The following MAML2 variants were observed in gnomAD, a reference collection of about 807,000 sequenced individuals.
The protein encoded by MAML2 is mastermind-like protein 2.
In MAML2, 22 loss-of-function variants were observed where a neutral mutation model predicts 96.1. That is an observed-to-expected ratio of 0.23 (90% CI 0.16 to 0.33). MAML2 has a LOEUF of 0.33. Among genes scored for constraint, MAML2 ranks in the 10% least tolerant of loss-of-function variants. MAML2 has a pLI of 1.00. For synonymous variants in MAML2, 561 were observed against 521.3 expected (o/e 1.08, Z -1.04); for missense variants, 1,367 against 1,392.4 (o/e 0.98, Z 0.29).
chr11:96,292,758 A>G (rs1386614193), intron 1 of MAML2, among the ~76,000 whole-genome samples: 2 of 152,200 alleles, frequency 1.3e-5, no homozygotes, highest in Admixed American at 1.3e-4. Context: ...GCATTGCTAT[A>G]TGGCTATCAT....
At chr11:96,048,411 G>C (rs1434978867) in intron 2 of MAML2, among the ~76,000 whole-genome samples, 1 of 152,038 alleles carries the variant, frequency 6.6e-6, no homozygotes, top group East Asian at 1.9e-4. Context: ...AAGTTTAGGA[G>C]GATGAAATCA....
At chr11:96,314,946 T>C (rs1319042211) in intron 1 of MAML2, among the ~76,000 whole-genome samples, 1 of 152,180 alleles carries the variant, frequency 6.6e-6, no homozygotes, top group East Asian at 1.9e-4. Flanking sequence ...ATTGTATTCT[T>C]ACTCCACAAT....
Position 96,341,643 on chromosome 11 carries a change from C to T in MAML2, c.253G>A (p.Gly85Arg). ...GTGTGTTTGCCAGCTTTCCTTGCCC[C>T]CTGGCCATGCTGTACAAGGCTCAGG... is the stretch of plus-strand genomic sequence containing the variant. ...QLLSLVQHGQ[G>R]ARKAGKHTKA... The change falls in exon 1 of 5, where the codon GGG becomes AGG. Residue 85 changes from glycine to arginine, a missense_variant. Coordinates refer to ENST00000524717, the MANE Select transcript of MAML2 (RefSeq NM_032427.4). 3 of 1,559,342 alleles carry T rather than the reference C, an allele frequency of 1.9e-6. No homozygotes were observed. The highest frequency in any genetic ancestry group is 2.6e-6 in the Non-Finnish European group (3 of 1,150,954).
At chr11:96,243,737 T>C (rs990023632) in intron 1 of MAML2, among the ~76,000 whole-genome samples, 1 of 150,246 alleles carries the variant, frequency 6.7e-6, no homozygotes, top group Non-Finnish European at 1.5e-5. Flanking sequence ...CACTGCAAGC[T>C]CCGCCTCCCA....
At position 96,092,220 on chromosome 11, in the gene MAML2, TGCTGCTGC is replaced by T. The variant is rs1859730030; in HGVS notation, c.1803_1810del (p.Gln602AlafsTer126). On this transcript the variant is annotated frameshift_variant, in exon 2 of 5. Coordinates refer to ENST00000524717, the MANE Select transcript of MAML2 (RefSeq NM_032427.4). LOFTEE classifies it high-confidence loss of function. This position sits in a 1 kb window ranked among gnomAD's most constrained non-coding sequence, Gnocchi z 4.1. The stretch of plus-strand genomic sequence containing the variant: ...CTGCTGCTGCTGCTGTTGCTGCTGC[TGCTGCTGC>T]TGCTGCTGCTGCTGCTGCTGCTGTT... 1 of 441,466 alleles carries T rather than the reference TGCTGCTGC, an allele frequency of 2.3e-6. No homozygotes were observed. Among genetic ancestry groups the T allele is most frequent in the East Asian group, 3.2e-4 (1 of 3,108 alleles). 27.3% of individuals were successfully genotyped at this position (441,466 alleles called of 1,614,324 possible).
intron 1 of MAML2, among the ~76,000 whole-genome samples, chr11:96,326,805 AC>A (rs1019102269): frequency 1.3e-5 from 2 of 152,062 alleles, no homozygotes; most frequent in African/African-American, 4.8e-5. Context: ...CAAAAAAAAA[AC>A]TATCTTGAGT....
chr11:96,083,710 T>G (rs1207124490), intron 2 of MAML2, among the ~76,000 whole-genome samples: 1 of 152,214 alleles, frequency 6.6e-6, no homozygotes, highest in African/African-American at 2.4e-5. Flanking sequence ...TGTCCACATG[T>G]TCAACAACTA....
At chr11:96,305,986 A>C (rs1240329190) in intron 1 of MAML2, among the ~76,000 whole-genome samples, 1 of 152,202 alleles carries the variant, frequency 6.6e-6, no homozygotes, top group East Asian at 1.9e-4. Flanking sequence ...AAACTTTAAT[A>C]TCTCACAATA....
chr11:96,183,399 C>CG lies in MAML2; in HGVS notation c.514-89883_514-89882insC, dbSNP rs1158362552. Among the ~76,000 whole-genome samples, 9 of 61,964 alleles carry CG rather than the reference C, an allele frequency of 1.5e-4. 1 individual carries two copies. Among genetic ancestry groups the CG allele is most frequent in the East Asian group, 4.7e-4 (1 of 2,130 alleles). The allele number at this position is 61,964 out of a possible 152,430, so 40.7% of individuals were successfully genotyped here. The stretch of plus-strand genomic sequence containing the variant: ...CCTTCCCTTCCTCCGTTCCTCCCCC[C>CG]CCCCCCTTTCTTTTGAGACAAGGGT... On this transcript the variant is annotated intron_variant, in intron 1 of 4. Coordinates refer to ENST00000524717, the MANE Select transcript of MAML2 (RefSeq NM_032427.4).
intron 2 of MAML2, among the ~76,000 whole-genome samples, chr11:96,043,021 C>T (rs1278799355): frequency 6.6e-6 from 1 of 152,336 alleles, no homozygotes. Flanking sequence ...GCTGGGATTA[C>T]AGGCATGAGC....
At chr11:96,208,376 G>A (rs928180177) in intron 1 of MAML2, among the ~76,000 whole-genome samples, 5 of 152,152 alleles carry the variant, frequency 3.3e-5, no homozygotes, top group Non-Finnish European at 4.4e-5. Flanking sequence ...ATTCAAGAAC[G>A]TTTTGTACAT....
intron 1 of MAML2, among the ~76,000 whole-genome samples, chr11:96,098,093 C>A (rs1211500814): frequency 6.6e-5 from 10 of 152,116 alleles, no homozygotes; most frequent in African/African-American, 2.2e-4. Flanking sequence ...AATGAAGATG[C>A]CTTGTGAGCA....
intron 2 of MAML2, among the ~76,000 whole-genome samples, chr11:96,076,858 C>A (rs1038275593): frequency 6.6e-6 from 1 of 152,162 alleles, no homozygotes; most frequent in Admixed American, 6.5e-5. Flanking sequence ...TCAAAATTGT[C>A]CAAGTGGGAC....
Position 95,979,687 on chromosome 11 carries a change from G to T in MAML2, c.2732C>A (p.Pro911Gln). 1 of 1,613,944 alleles carries T rather than the reference G, an allele frequency of 6.2e-7. No homozygotes were observed. Among genetic ancestry groups the T allele is most frequent in the Non-Finnish European group, 8.5e-7 (1 of 1,179,876 alleles). Reference sequence around the variant, plus strand: ...ATTATTACTTGGCCCTAAGGTAGGTGGCCGTGGCATCATAGGGTTGTTTTG... The same window carrying T: ...ATTATTACTTGGCCCTAAGGTAGGTTGCCGTGGCATCATAGGGTTGTTTTG... Reference protein sequence around the residue: ...ANQNNPMMPRPPTLGPSNNNN... With the variant: ...ANQNNPMMPRQPTLGPSNNNN... The change falls in exon 5 of 5, where the codon CCA (proline) becomes CAA (glutamine). Residue 911 changes from proline (P) to glutamine (Q), a missense_variant. Coordinates refer to ENST00000524717, the MANE Select transcript of MAML2 (RefSeq NM_032427.4).
intron 1 of MAML2, among the ~76,000 whole-genome samples, chr11:96,262,110 T>A (rs1277658698): frequency 6.6e-6 from 1 of 152,214 alleles, no homozygotes; most frequent in Non-Finnish European, 1.5e-5. Context: ...GAAATCCGTA[T>A]TTTTCACAAG....
At chr11:96,224,905 G>A (rs902718336) in intron 1 of MAML2, among the ~76,000 whole-genome samples, 2 of 151,908 alleles carry the variant, frequency 1.3e-5, no homozygotes, top group Non-Finnish European at 2.9e-5. Context: ...TTTTCAAAAT[G>A]ACATTATTTA....
chr11:96,299,547 C>T (rs1261244221), intron 1 of MAML2, among the ~76,000 whole-genome samples: 1 of 152,010 alleles, frequency 6.6e-6, no homozygotes, highest in East Asian at 1.9e-4. Flanking sequence ...CAGGCCTCGC[C>T]CTCAGACAAA....
At chr11:96,051,132 T>A (rs1303747796) in intron 2 of MAML2, among the ~76,000 whole-genome samples, 1 of 152,188 alleles carries the variant, frequency 6.6e-6, no homozygotes, top group African/African-American at 2.4e-5. Flanking sequence ...GTAGTGCCTT[T>A]ATCTATAGAA....
At chr11:96,299,672 C>T (rs529402109) in intron 1 of MAML2, among the ~76,000 whole-genome samples, 1 of 152,288 alleles carries the variant, frequency 6.6e-6, no homozygotes, top group Admixed American at 6.5e-5. Context: ...GGGAGGACCA[C>T]TTTGAGACGT....
Sources: gnomAD v4.1 joint callset for allele counts (sites outside exome capture counted in the v4.1 genomes callset) on GRCh38, gnomAD v4.1.1 for gene constraint, Gnocchi (gnomAD v3.1) non-coding constraint, MANE v1.5 for transcripts, NCBI Gene and HGNC (gene_info 2026-07-23, HGNC 2026-07-21) for gene names.